Variants in IGSF10 observed in about 807,000 individuals in gnomAD.
IGSF10 encodes immunoglobulin superfamily member 10.
A neutral mutation model predicts 128.2 loss-of-function variants in IGSF10; 126 were observed. That is an observed-to-expected ratio of 0.98 (90% CI 0.85 to 1.14). The LOEUF (loss-of-function observed/expected upper bound fraction) is 1.14, where lower values mean the gene tolerates loss of function less well. IGSF10 is among the 50% of genes most tolerant of loss of function. The pLI is 0.00. For synonymous variants in IGSF10, 1,185 were observed against 1,146.2 expected (o/e 1.03, Z -0.68); for missense variants, 3,295 against 3,149.8 (o/e 1.05, Z -1.10).
At chr3:151,463,888 T>G (rs1048865063), upstream of IGSF10, among the ~76,000 whole-genome samples, 4 of 152,116 alleles carry the variant, frequency 2.6e-5, no homozygotes, top group Admixed American at 2.6e-4. Flanking sequence ...ATTTGGAGAG[T>G]CCACAGCATA....
the IGSF10 span, among the ~76,000 whole-genome samples, chr3:151,543,759 C>T: frequency 0.51 from 76,942 of 151,994 alleles, 20,274 homozygotes; most frequent in African/African-American, 0.64. Context: ...GCCAAACTTG[C>T]TGAGTCATGC....
At chr3:151,511,629 T>A in the IGSF10 span, among the ~76,000 whole-genome samples, 1 of 152,140 alleles carries the variant, frequency 6.6e-6, no homozygotes, top group African/African-American at 2.4e-5. Flanking sequence ...TAACCTTAAA[T>A]GTAAATGGGC....
chr3:151,502,389 A>G, the IGSF10 span, among the ~76,000 whole-genome samples: 105 of 152,144 alleles, frequency 6.9e-4, no homozygotes, highest in Non-Finnish European at 1.3e-3. Context: ...TGGGTAAAGA[A>G]AAGAGCCTAT....
rs1721353995 is a variant in IGSF10, at chr3:151,448,692, A to G, written c.1289T>C (p.Met430Thr). The G allele has an allele frequency of 6.2e-7, 1 of 1,614,080 alleles. No homozygotes were observed. The highest frequency in any genetic ancestry group is 1.3e-5 in the African/African-American group (1 of 74,940). ...CAGCTGCAAGGAAATTTGGTCTTGCATTAACCAAGAGGGATCTGCTCTGAG... is the reference window on the plus strand; with the variant it reads ...CAGCTGCAAGGAAATTTGGTCTTGCGTTAACCAAGAGGGATCTGCTCTGAG... ...ADLRADPSWL[M>T]QDQISLQLNR... is the part of the protein sequence containing the mutation. The change falls in exon 6 of 8, where the codon ATG (methionine) becomes ACG (threonine). Residue 430 changes from methionine to threonine, a missense_variant. By Grantham distance (81) the Met-to-Thr change is moderately conservative. Transcript: ENST00000282466.
the IGSF10 span, among the ~76,000 whole-genome samples, chr3:151,511,834 C>T: frequency 6.6e-6 from 1 of 152,132 alleles, no homozygotes; most frequent in Non-Finnish European, 1.5e-5. Flanking sequence ...ATAAAACAGA[C>T]TTTAAGCCAA....
At chr3:151,589,467 G>A in the IGSF10 span, among the ~76,000 whole-genome samples, 2 of 152,110 alleles carry the variant, frequency 1.3e-5, no homozygotes, top group Non-Finnish European at 2.9e-5. Context: ...TCCTTGTGTG[G>A]CCAGGGAGAC....
downstream of IGSF10, chr3:151,433,552 T>A (rs759191268): frequency 6.6e-6 from 1 of 152,478 alleles, no homozygotes; most frequent in Admixed American, 6.5e-5. Context: ...AGATCATTGA[T>A]GAGAGTCATT....
chr3:151,617,256 C>CTT, the IGSF10 span, among the ~76,000 whole-genome samples: 6 of 88,248 alleles, frequency 6.8e-5, no homozygotes, highest in South Asian at 4.7e-4. Context: ...CTCTTCTTCT[C>CTT]CTTCTCTTCT....
the IGSF10 span, among the ~76,000 whole-genome samples, chr3:151,522,375 G>T: frequency 6.6e-6 from 1 of 152,014 alleles, no homozygotes; most frequent in African/African-American, 2.4e-5. Context: ...CCAAAACCTG[G>T]CAGAGACACA....
chr3:151,441,713 T>A (rs937883700), intron 7 of IGSF10, among the ~76,000 whole-genome samples: 2 of 152,148 alleles, frequency 1.3e-5, no homozygotes, highest in Non-Finnish European at 2.9e-5. Context: ...AAAAACCTCA[T>A]AAGCTATAAT....
chr3:151,595,733 A>G, the IGSF10 span, among the ~76,000 whole-genome samples: 3 of 151,234 alleles, frequency 2.0e-5, no homozygotes, highest in Admixed American at 6.6e-5. Context: ...TCTGAAAAAA[A>G]AAAAAAAGGT....
chr3:151,438,677 G>A lies in IGSF10; in HGVS notation c.5964-80C>T, dbSNP rs899214983. 14 of 1,058,582 alleles carry A rather than the reference G, an allele frequency of 1.3e-5. No individual in the cohort carries two copies. The Admixed American group carries it at 2.9e-4, about 22-fold the overall frequency. The allele number at this position is 1,058,582 out of a possible 1,614,324, so 65.6% of individuals were successfully genotyped here. ...GTTTTACTCAGGATTGCCTCCCTCT[G>A]CCCCAGCTTTATTGAAGCATGACCA... On this transcript the variant is annotated intron_variant, in intron 7 of 7. Transcript: ENST00000282466.
At chr3:151,566,741 A>G in the IGSF10 span, among the ~76,000 whole-genome samples, 2 of 152,246 alleles carry the variant, frequency 1.3e-5, no homozygotes, top group African/African-American at 2.4e-5. Context: ...AGTGAGCAGC[A>G]TTCGGTACTA....
At chr3:151,486,221 G>A in the IGSF10 span, among the ~76,000 whole-genome samples, 1 of 152,076 alleles carries the variant, frequency 6.6e-6, no homozygotes, top group African/African-American at 2.4e-5. Context: ...AAGAGACAAA[G>A]AAGGGCATTA....
the IGSF10 span, among the ~76,000 whole-genome samples, chr3:151,491,970 G>C: frequency 1.3e-5 from 2 of 151,128 alleles, no homozygotes; most frequent in African/African-American, 4.9e-5. Flanking sequence ...TTTGGATATT[G>C]CATCAAAACC....
the IGSF10 span, among the ~76,000 whole-genome samples, chr3:151,607,708 G>A: frequency 1.3e-5 from 2 of 151,794 alleles, no homozygotes; most frequent in East Asian, 1.9e-4. Context: ...TCAGGAGATA[G>A]AGACCATCCT....
At chr3:151,560,705 C>CA in the IGSF10 span, among the ~76,000 whole-genome samples, 1 of 151,492 alleles carries the variant, frequency 6.6e-6, no homozygotes, top group Non-Finnish European at 1.5e-5. Context: ...TGCCATAGCC[C>CA]CCCCCTCCGT....
chr3:151,576,620 G>T, the IGSF10 span, among the ~76,000 whole-genome samples: 1 of 152,154 alleles, frequency 6.6e-6, no homozygotes, highest in Non-Finnish European at 1.5e-5. Context: ...AAAGAAGCTG[G>T]CCATAACTTC....
chr3:151,547,566 A>C, the IGSF10 span, among the ~76,000 whole-genome samples: 13 of 152,172 alleles, frequency 8.5e-5, no homozygotes, highest in East Asian at 2.5e-3. Context: ...TAGAGCCTGG[A>C]CTGGAGGCTT....
Sources: gnomAD v4.1 joint callset for allele counts (sites outside exome capture counted in the v4.1 genomes callset) on GRCh38, gnomAD v4.1.1 for gene constraint, MANE v1.5 for transcripts, NCBI Gene and HGNC (gene_info 2026-07-23, HGNC 2026-07-21) for gene names.